The following ENTPD3 variants were observed in gnomAD, a reference collection of about 807,000 sequenced individuals.
ENTPD3 encodes CD39 antigen-like 3.
Under a neutral mutation model 51.2 loss-of-function variants are expected in ENTPD3, and 60 were observed. The observed-to-expected ratio is 1.17, with a 90% confidence interval of 0.95 to 1.45. The LOEUF (loss-of-function observed/expected upper bound fraction) is 1.45. Ranked by LOEUF, ENTPD3 falls within the 40% of genes most tolerant of loss-of-function variation. The pLI, the probability that ENTPD3 is intolerant of heterozygous loss-of-function variation, is 0.00. For synonymous variants in ENTPD3, 221 were observed against 238.4 expected (o/e 0.93, Z 0.67); for missense variants, 593 against 641.1 (o/e 0.93, Z 0.81).
chr3:40,395,364 G>A (rs1218367305), intron 3 of ENTPD3, among the ~76,000 whole-genome samples: 2 of 152,156 alleles, frequency 1.3e-5, no homozygotes, highest in African/African-American at 4.8e-5. Context: ...CAGTCTAGAG[G>A]GCACTGTTGA....
intron 2 of ENTPD3, among the ~76,000 whole-genome samples, chr3:40,390,387 G>A (rs1955025332): frequency 1.3e-5 from 2 of 152,020 alleles, no homozygotes; most frequent in South Asian, 2.1e-4. Context: ...TTGTAGAGAC[G>A]GGGTCTCACT....
chr3:40,409,308 G>A (rs1955574749), intron 4 of ENTPD3, among the ~76,000 whole-genome samples: 1 of 152,024 alleles, frequency 6.6e-6, no homozygotes, highest in Non-Finnish European at 1.5e-5. Context: ...TTTAATTGTT[G>A]TTATTGTTAT....
Position 40,422,884 on chromosome 3 carries a change from G to A in ENTPD3, c.866G>A (p.Cys289Tyr). The A allele has an allele frequency of 6.2e-7, 1 of 1,613,494 alleles. No individual in the cohort carries two copies. The highest frequency in any genetic ancestry group is 8.5e-7 in the Non-Finnish European group (1 of 1,179,902). Residue 289 changes from cysteine to tyrosine, a missense_variant, in exon 8 of 11, where the codon TGT becomes TAT. Transcript: ENST00000301825. ...SPTKNHLTNP[C>Y]YPRDYSISFT... ...ACCAAAAACCATCTCACCAATCCCT[G>A]TTACCCTCGGGATTATAGCATCAGC...
intron 4 of ENTPD3, among the ~76,000 whole-genome samples, chr3:40,405,403 G>A (rs1479987004): frequency 6.6e-6 from 1 of 152,078 alleles, no homozygotes; most frequent in Non-Finnish European, 1.5e-5. Flanking sequence ...TTCTCGGGAG[G>A]CTGAGGCAGG....
At chr3:40,420,723 G>T (rs1379187261) in intron 7 of ENTPD3, among the ~76,000 whole-genome samples, 1 of 152,070 alleles carries the variant, frequency 6.6e-6, no homozygotes, top group Non-Finnish European at 1.5e-5. Flanking sequence ...GGTTATATTT[G>T]ATGAATATTA....
chr3:40,408,464 G>C (rs759862322), intron 4 of ENTPD3, among the ~76,000 whole-genome samples: 2 of 152,178 alleles, frequency 1.3e-5, no homozygotes, highest in Non-Finnish European at 2.9e-5. Context: ...GAAGCTGAAT[G>C]ATCAGTATAT....
chr3:40,408,158 A>G (rs1159380007), intron 4 of ENTPD3, among the ~76,000 whole-genome samples: 1 of 152,216 alleles, frequency 6.6e-6, no homozygotes, highest in Non-Finnish European at 1.5e-5. Flanking sequence ...AAAACATCCA[A>G]ATGCACATAC....
chr3:40,410,443 G>GA (rs11371152), intron 4 of ENTPD3, among the ~76,000 whole-genome samples: 40,639 of 120,000 alleles, frequency 0.34, 6,016 homozygotes, highest in East Asian at 0.54. Flanking sequence ...CTCCATCTCA[G>GA]AAAAAAAAAA....
At chr3:40,391,365 A>AT (rs1955051406) in intron 2 of ENTPD3, 1 of 152,028 alleles carries the variant, frequency 6.6e-6, no homozygotes, top group Non-Finnish European at 1.5e-5. Flanking sequence ...TTAAAAATAG[A>AT]TTTTTTGAAT....
chr3:40,396,499 C>T (rs1044410915), intron 3 of ENTPD3, among the ~76,000 whole-genome samples: 3 of 152,118 alleles, frequency 2.0e-5, no homozygotes, highest in African/African-American at 2.4e-5. Flanking sequence ...CATGCAAGGT[C>T]GTATCTGGCT....
At chr3:40,388,334 G>A (rs1381845112) in intron 2 of ENTPD3, among the ~76,000 whole-genome samples, 1 of 152,108 alleles carries the variant, frequency 6.6e-6, no homozygotes, top group Non-Finnish European at 1.5e-5. Flanking sequence ...GGTTTTTCCG[G>A]TTTGTATAAT....
At chr3:40,407,534 T>C (rs1955531674) in intron 4 of ENTPD3, among the ~76,000 whole-genome samples, 1 of 152,126 alleles carries the variant, frequency 6.6e-6, no homozygotes, top group Admixed American at 6.5e-5. Flanking sequence ...TATACAGTGA[T>C]GTGGAGTTGT....
intron 7 of ENTPD3, among the ~76,000 whole-genome samples, chr3:40,418,894 C>T (rs1035783291): frequency 9.2e-5 from 14 of 151,718 alleles, no homozygotes; most frequent in African/African-American, 3.4e-4. Flanking sequence ...TTCCAAGTGC[C>T]ATAACTTAAA....
At position 40,401,001 on chromosome 3, in the gene ENTPD3, T is replaced by C. The variant is rs1009197999; in HGVS notation, c.276T>C (p.Cys92=). 2 of 1,612,040 alleles carry C rather than the reference T, an allele frequency of 1.2e-6. No homozygotes were observed. The highest frequency in any genetic ancestry group is 1.7e-6 in the Non-Finnish European group (2 of 1,178,198). The change falls in exon 4 of 11, where the codon TGT becomes TGC. Residue 92 remains cysteine, a synonymous_variant. Transcript: ENST00000301825. ...NTGVVSQTFK[C]SVKGSGISSY... The stretch of plus-strand genomic sequence containing the variant: ...GAGTGGTCAGTCAAACCTTCAAATG[T>C]AGTGTGAAAGGTAAGGACTGAAGTG...
rs768168516 is a variant in ENTPD3 at position 40,422,921 on chromosome 3, C to A, written c.903C>A (p.Gly301=). The stretch of plus-strand genomic sequence containing the variant: ...ATTATAGCATCAGCTTCACCATGGG[C>A]CATGTATTTGATAGCCTGTGCACTG... ...PRDYSISFTM[G]HVFDSLCTVD... Residue 301 remains glycine, a synonymous_variant, in exon 8 of 11, where the codon GGC becomes GGA. Transcript: ENST00000301825. The A allele has an allele frequency of 5.6e-6, 9 of 1,613,882 alleles. No homozygotes were observed. In the Admixed American group the frequency reaches 1.2e-4, roughly 21 times the overall value.
At chr3:40,396,045 A>G (rs527803023) in intron 3 of ENTPD3, among the ~76,000 whole-genome samples, 2 of 152,244 alleles carry the variant, frequency 1.3e-5, no homozygotes, top group African/African-American at 4.8e-5. Flanking sequence ...CACACCCTCC[A>G]CCAATCAGCA....
At chr3:40,388,911 C>T (rs1173537298) in intron 2 of ENTPD3, among the ~76,000 whole-genome samples, 7 of 152,168 alleles carry the variant, frequency 4.6e-5, no homozygotes, top group Non-Finnish European at 8.8e-5. Flanking sequence ...AGGCCAGCCA[C>T]GTAGCTGTGG....
chr3:40,404,673 C>T (rs1955450967), intron 4 of ENTPD3, among the ~76,000 whole-genome samples: 1 of 152,174 alleles, frequency 6.6e-6, no homozygotes, highest in Admixed American at 6.5e-5. Context: ...TCTGAATGAA[C>T]AGAAGACCAC....
intron 3 of ENTPD3, among the ~76,000 whole-genome samples, chr3:40,398,931 T>C (rs1008306434): frequency 2.6e-5 from 4 of 152,128 alleles, no homozygotes; most frequent in African/African-American, 2.4e-5. Flanking sequence ...GAAAAGAGCA[T>C]TGCATGGCCA....
Sources: gnomAD v4.1 joint callset for allele counts (sites outside exome capture counted in the v4.1 genomes callset) on GRCh38, gnomAD v4.1.1 for gene constraint, MANE v1.5 for transcripts, NCBI Gene and HGNC (gene_info 2026-07-23, HGNC 2026-07-21) for gene names.